ST18: variants seen among roughly 807,000 people sequenced by gnomAD.
The protein encoded by ST18 is suppression of tumorigenicity 18 protein.
A neutral mutation model predicts 110.0 loss-of-function variants in ST18; 50 were observed. The ratio of observed to expected loss-of-function variants is 0.45; its 90% CI spans 0.36 to 0.58. The LOEUF is 0.58. Ranked by LOEUF, ST18 falls within the 20% of genes least tolerant of loss-of-function variation. ST18 has a pLI of 0.00. For synonymous variants in ST18, 461 were observed against 452.4 expected, an observed-to-expected ratio of 1.02 and a Z score of -0.24; for missense variants, 1,306 against 1,280.1, an observed-to-expected ratio of 1.02 and a Z score of -0.31.
chr8:52,347,141 A>T (rs1048352611), intron 2 of ST18, among the ~76,000 whole-genome samples: 17 of 152,234 alleles, frequency 1.1e-4, no homozygotes, highest in African/African-American at 4.1e-4. Context: ...CTAGAACAAA[A>T]TATTATTTGT....
intron 2 of ST18, chr8:52,248,568 A>C (rs2138126489): frequency 6.6e-6 from 1 of 152,302 alleles, no homozygotes; most frequent in South Asian, 2.1e-4. Flanking sequence ...CAGCAAGGCA[A>C]ATAAGACTTT....
chr8:52,277,235 ATCACATCCACTCCTGCTCATC>A (rs1042109575), intron 2 of ST18, among the ~76,000 whole-genome samples: 23 of 152,180 alleles, frequency 1.5e-4, no homozygotes, highest in East Asian at 5.8e-4. Context: ...ACTTGTCACC[ATCACATCCACTCCTGCTCATC>A]TCACATCCAC....
chr8:52,240,935 C>T (rs1256722523), intron 2 of ST18, among the ~76,000 whole-genome samples: 2 of 152,232 alleles, frequency 1.3e-5, no homozygotes, highest in Non-Finnish European at 2.9e-5. Context: ...CACTGATCAG[C>T]TGTACACTCA....
intron 2 of ST18, among the ~76,000 whole-genome samples, chr8:52,328,918 C>G (rs898484631): frequency 3.3e-5 from 5 of 152,064 alleles, no homozygotes; most frequent in African/African-American, 1.2e-4. Context: ...TCCCCCAGCC[C>G]TCAAATAATT....
chr8:52,114,168 C>T (rs138058013), intron 25 of ST18, among the ~76,000 whole-genome samples: 7 of 151,946 alleles, frequency 4.6e-5, no homozygotes, highest in African/African-American at 1.7e-4. Flanking sequence ...TGGAATTTCA[C>T]CATGTTGGCC....
At chr8:52,157,985 A>T (rs1002362321) in intron 15 of ST18, among the ~76,000 whole-genome samples, 10 of 152,366 alleles carry the variant, frequency 6.6e-5, no homozygotes, top group African/African-American at 2.4e-4. Flanking sequence ...TAGGCAACTT[A>T]TTTCAGTGGC....
intron 6 of ST18, among the ~76,000 whole-genome samples, 195 bp downstream of exon 6, chr8:52,217,551 G>A (rs577309459): frequency 6.6e-6 from 1 of 152,188 alleles, no homozygotes; most frequent in East Asian, 1.9e-4. Flanking sequence ...GTGAATGCAA[G>A]GTGAAATGGC....
chr8:52,400,422 G>A (rs1488751692), intron 2 of ST18, among the ~76,000 whole-genome samples: 2 of 152,058 alleles, frequency 1.3e-5, no homozygotes, highest in Non-Finnish European at 2.9e-5. Flanking sequence ...ATTGATAATA[G>A]TTACTATTGA....
intron 2 of ST18, among the ~76,000 whole-genome samples, chr8:52,388,228 T>A (rs1014326922): frequency 6.6e-6 from 1 of 152,104 alleles, no homozygotes; most frequent in South Asian, 2.1e-4. Flanking sequence ...TACGGAGATG[T>A]GCACCCGGCT....
chr8:52,304,250 T>C (rs893343098), intron 2 of ST18, among the ~76,000 whole-genome samples: 1 of 152,198 alleles, frequency 6.6e-6, no homozygotes, highest in Admixed American at 6.5e-5. Flanking sequence ...ATTCCAATTA[T>C]ATGGAATTTA....
At chr8:52,310,783 T>G (rs1354820436) in intron 2 of ST18, among the ~76,000 whole-genome samples, 1 of 151,890 alleles carries the variant, frequency 6.6e-6, no homozygotes, top group Non-Finnish European at 1.5e-5. Flanking sequence ...ATAAGGAGCT[T>G]GACTTTCATT....
chr8:52,348,510 C>T (rs1179381032), intron 2 of ST18, among the ~76,000 whole-genome samples: 2 of 152,200 alleles, frequency 1.3e-5, no homozygotes, highest in Non-Finnish European at 2.9e-5. Flanking sequence ...CCCAGCACTT[C>T]GGGAAGCCGA....
chr8:52,291,682 T>A (rs2095557968), intron 2 of ST18, among the ~76,000 whole-genome samples: 1 of 152,214 alleles, frequency 6.6e-6, no homozygotes, highest in African/African-American at 2.4e-5. Flanking sequence ...CTTTTCAGTT[T>A]CATTAATAGA....
intron 19 of ST18, among the ~76,000 whole-genome samples, chr8:52,134,077 G>A (rs994090687): frequency 2.6e-5 from 4 of 152,136 alleles, no homozygotes; most frequent in African/African-American, 4.8e-5. Context: ...TATGCTGTGC[G>A]ACTATGATAA....
chr8:52,369,403 G>C (rs895702032), intron 2 of ST18, among the ~76,000 whole-genome samples: 1 of 152,140 alleles, frequency 6.6e-6, no homozygotes, highest in Admixed American at 6.5e-5. Context: ...CCTTCCTGCT[G>C]ACTGGATTGT....
chr8:52,167,309 C>T (rs2063341537), intron 10 of ST18, among the ~76,000 whole-genome samples: 1 of 152,066 alleles, frequency 6.6e-6, no homozygotes. Context: ...TGAACAGGCT[C>T]CCGAAAAGAA....
chr8:52,395,957 ATATT>A (rs755697941), intron 2 of ST18, among the ~76,000 whole-genome samples: 2 of 152,214 alleles, frequency 1.3e-5, no homozygotes, highest in Non-Finnish European at 2.9e-5. Flanking sequence ...GTATGCCCAT[ATATT>A]TAAACATAGA....
intron 2 of ST18, among the ~76,000 whole-genome samples, chr8:52,388,132 T>C (rs926303098): frequency 6.6e-6 from 1 of 152,212 alleles, no homozygotes; most frequent in Non-Finnish European, 1.5e-5. Flanking sequence ...GTGATTGATA[T>C]ACTAGGAGCA....
chr8:52,212,177 A>G lies in ST18; in HGVS notation c.56-68T>C, dbSNP rs955328305. On this transcript the variant is annotated intron_variant, in intron 7 of 25. Coordinates refer to ENST00000689386, the MANE Select transcript of ST18 (RefSeq NM_001352837.2). ...TAATTTTCAAAACTGTATAATGGAA[A>G]CTTTTCCCCCACCTAGAGGTAACGA... is the stretch of plus-strand genomic sequence containing the variant. The G allele has an allele frequency of 1.6e-5, 24 of 1,485,906 alleles. No homozygotes were observed. In the African/African-American group the frequency reaches 2.5e-4, roughly 16 times the overall value. The allele number at this position is 1,485,906 out of a possible 1,614,324, so 92.0% of individuals were successfully genotyped here.
Sources: allele counts gnomAD v4.1 joint callset (sites outside exome capture counted in the v4.1 genomes callset), GRCh38; gene constraint gnomAD v4.1.1; transcripts MANE v1.5; gene names NCBI Gene and HGNC (gene_info 2026-07-23, HGNC 2026-07-21).